The following MYO16 variants were observed in gnomAD, a reference collection of about 807,000 sequenced individuals.
MYO16 encodes the protein myosin XVI.
Under a neutral mutation model 205.3 loss-of-function variants are expected in MYO16, and 94 were observed. The ratio of observed to expected loss-of-function variants is 0.46; its 90% CI spans 0.39 to 0.54. The LOEUF (loss-of-function observed/expected upper bound fraction) is 0.54, where lower values mean the gene tolerates loss of function less well. Ranked by LOEUF, MYO16 falls within the 20% of genes least tolerant of loss-of-function variation. The pLI is 0.00. For synonymous variants in MYO16, 988 were observed against 954.0 expected, an observed-to-expected ratio of 1.04 and a Z score of -0.66; for missense variants, 2,315 against 2,387.5, an observed-to-expected ratio of 0.97 and a Z score of 0.63.
At chr13:108,962,319 T>G in intron 18 of MYO16, 105 bp from the exon 19 acceptor site, 1 of 796,966 alleles carries the variant, frequency 1.3e-6, no homozygotes, top group Non-Finnish European at 2.0e-6. Flanking sequence ...ACTCATGTTT[T>G]GTAATGTGCC....
chr13:109,159,124 T>G (rs1262547698), intron 32 of MYO16, among the ~76,000 whole-genome samples: 3 of 152,198 alleles, frequency 2.0e-5, no homozygotes, highest in African/African-American at 7.2e-5. Context: ...CAGGAATCAG[T>G]TTCAAACAAC....
intron 27 of MYO16, among the ~76,000 whole-genome samples, chr13:109,089,191 T>C (rs1464708883): frequency 2.8e-4 from 25 of 89,842 alleles, no homozygotes; most frequent in African/African-American, 9.2e-4. Flanking sequence ...TTTTCTGCAT[T>C]ATTATTATTA....
chr13:108,864,874 T>C (rs1379565547), intron 11 of MYO16, among the ~76,000 whole-genome samples: 1 of 152,126 alleles, frequency 6.6e-6, no homozygotes, highest in Non-Finnish European at 1.5e-5. Context: ...GTGAAATGAG[T>C]TCTACAGTGC....
the MYO16 span, among the ~76,000 whole-genome samples, chr13:108,576,055 A>G: frequency 1.3e-5 from 2 of 152,120 alleles, no homozygotes; most frequent in Non-Finnish European, 2.9e-5. Flanking sequence ...GCACCCTAAG[A>G]CTAAAGAAAA....
Position 108,732,042 on chromosome 13 carries a change from AAT to A in MYO16, c.507+4462_507+4463del, listed in dbSNP as rs1421516345. ...ATTTACTCTGAATAAATGTTGATAA[AAT>A]ATGTTGTCATAAAAATTCTAATTAT... On this transcript the variant is annotated intron_variant, in intron 4 of 34. Transcript: ENST00000457511. Among the ~76,000 whole-genome samples the A allele has an allele frequency of 2.0e-5, 3 of 152,348 alleles. No homozygotes were observed. In the East Asian group the frequency reaches 5.8e-4, roughly 29 times the overall value.
intron 33 of MYO16, among the ~76,000 whole-genome samples, chr13:109,170,368 G>A (rs578082549): frequency 1.1e-4 from 16 of 152,196 alleles, no homozygotes; most frequent in African/African-American, 2.6e-4. Context: ...TTACAGACCC[G>A]CCTGAAAAGG....
intron 9 of MYO16, among the ~76,000 whole-genome samples, chr13:108,831,700 A>T (rs1015346606): frequency 2.6e-5 from 4 of 152,162 alleles, no homozygotes; most frequent in Non-Finnish European, 4.4e-5. Context: ...TTTACTAGAG[A>T]CAGGGTTTTA....
chr13:109,024,060 A>G (rs1468484827), intron 23 of MYO16, among the ~76,000 whole-genome samples: 1 of 144,808 alleles, frequency 6.9e-6, no homozygotes, highest in Non-Finnish European at 1.5e-5. Context: ...AAATTCTCAT[A>G]TATTTATTTA....
intron 32 of MYO16, among the ~76,000 whole-genome samples, chr13:109,151,809 C>A (rs1877685262): frequency 6.6e-6 from 1 of 152,170 alleles, no homozygotes; most frequent in African/African-American, 2.4e-5. Context: ...AAAACTTTCA[C>A]CATACAGGCC....
intron 28 of MYO16, among the ~76,000 whole-genome samples, chr13:109,105,271 G>C (rs1889089657): frequency 6.6e-6 from 1 of 152,218 alleles, no homozygotes; most frequent in Admixed American, 6.5e-5. Context: ...AGGAGTTCAA[G>C]ACCAGTCTGG....
intron 20 of MYO16, among the ~76,000 whole-genome samples, chr13:108,980,350 A>G (rs542925358): frequency 6.6e-6 from 1 of 152,162 alleles, no homozygotes; most frequent in Non-Finnish European, 1.5e-5. Flanking sequence ...CTCTTGTTTC[A>G]TTTCTAACTG....
the MYO16 span, among the ~76,000 whole-genome samples, chr13:108,589,781 T>C: frequency 4.4e-4 from 67 of 152,190 alleles, no homozygotes; most frequent in Non-Finnish European, 8.2e-4. Context: ...TTTCCTGGAA[T>C]TGTGTGTCTG....
At chr13:108,762,618 G>A (rs1885646632) in intron 4 of MYO16, among the ~76,000 whole-genome samples, 1 of 152,014 alleles carries the variant, frequency 6.6e-6, no homozygotes, top group Admixed American at 6.6e-5. Context: ...ATATCTCGAA[G>A]GTGGCATCTT....
At chr13:108,821,482 G>T (rs9583297) in intron 8 of MYO16, among the ~76,000 whole-genome samples, 117 of 152,214 alleles carry the variant, frequency 7.7e-4, no homozygotes, top group African/African-American at 2.7e-3. Context: ...AATATCAAAA[G>T]AACAAATAGA....
the MYO16 span, among the ~76,000 whole-genome samples, chr13:108,542,950 T>C: frequency 2.0e-5 from 3 of 151,948 alleles, no homozygotes; most frequent in African/African-American, 4.8e-5. Flanking sequence ...TACACAGTTA[T>C]GGTTTTTTAA....
the MYO16 span, among the ~76,000 whole-genome samples, chr13:108,500,971 C>G: frequency 6.6e-6 from 1 of 152,106 alleles, no homozygotes; most frequent in African/African-American, 2.4e-5. Context: ...TTGTTCTCTA[C>G]GTGGAACTTA....
intron 14 of MYO16, among the ~76,000 whole-genome samples, chr13:108,897,544 G>T (rs955836465): frequency 2.0e-5 from 3 of 152,162 alleles, no homozygotes; most frequent in Non-Finnish European, 4.4e-5. Flanking sequence ...AAAAGAGTAT[G>T]AGTGGAAAGT....
chr13:109,114,669 G>A (rs1875584325), intron 28 of MYO16, among the ~76,000 whole-genome samples: 1 of 152,110 alleles, frequency 6.6e-6, no homozygotes, highest in South Asian at 2.1e-4. Flanking sequence ...CTATTATTCC[G>A]AAATAAATTC....
intron 4 of MYO16, among the ~76,000 whole-genome samples, chr13:108,744,336 C>T (rs910526661): frequency 6.6e-6 from 1 of 152,194 alleles, no homozygotes; most frequent in Non-Finnish European, 1.5e-5. Flanking sequence ...CTCATAGTCA[C>T]CTCTCCAAGG....
Sources: gnomAD v4.1 joint callset for allele counts (sites outside exome capture counted in the v4.1 genomes callset) on GRCh38, gnomAD v4.1.1 for gene constraint, MANE v1.5 for transcripts, NCBI Gene and HGNC (gene_info 2026-07-23, HGNC 2026-07-21) for gene names.